Variants in NRXN3 observed in about 807,000 individuals in gnomAD.
The protein encoded by NRXN3 is neurexin 3, also known as neurexin III.
A neutral mutation model predicts 137.6 loss-of-function variants in NRXN3; 32 were observed. The ratio of observed to expected loss-of-function variants is 0.23; its 90% CI spans 0.18 to 0.31. The LOEUF (loss-of-function observed/expected upper bound fraction) is 0.31. NRXN3 is among the 10% of genes least tolerant of loss of function. The pLI is 1.00. For synonymous variants in NRXN3, 798 were observed against 784.5 expected (o/e 1.02, Z -0.29); for missense variants, 1,574 against 2,062.5 (o/e 0.76, Z 4.59).
chr14:78,820,171 G>A lies in NRXN3; in HGVS notation c.2275+9827G>A, dbSNP rs28687197. ...ATTCTTGTTTGGTAACAAGATAAAT[G>A]TATTAATGGATGTATTTCCCTTTCA... On this transcript the variant is annotated intron_variant, in intron 10 of 20. Coordinates refer to ENST00000335750, the MANE Select transcript of NRXN3 (RefSeq NM_001330195.2). Among the ~76,000 whole-genome samples the A allele has an allele frequency of 0.014, 2,122 of 151,188 alleles. 201 individuals carry two copies. The East Asian group carries it at 0.26, about 18-fold the overall frequency.
At chr14:79,389,611 G>A (rs1243649008) in intron 15 of NRXN3, among the ~76,000 whole-genome samples, 1 of 152,214 alleles carries the variant, frequency 6.6e-6, no homozygotes, top group African/African-American at 2.4e-5. Context: ...GATACTTTGT[G>A]AGAATCCCAT....
chr14:79,450,612 A>C (rs2096152152), intron 15 of NRXN3, among the ~76,000 whole-genome samples: 1 of 152,098 alleles, frequency 6.6e-6, no homozygotes, highest in Admixed American at 6.6e-5. Context: ...TAATCCCAGC[A>C]CTTTGGTAGG....
intron 15 of NRXN3, among the ~76,000 whole-genome samples, chr14:78,989,919 A>C (rs937774574): frequency 1.3e-5 from 2 of 152,150 alleles, no homozygotes; most frequent in Non-Finnish European, 2.9e-5. Flanking sequence ...TCTGTCTTTG[A>C]CAAGTTCCTG....
At chr14:79,743,892 A>G (rs920752898) in intron 19 of NRXN3, among the ~76,000 whole-genome samples, 1 of 152,240 alleles carries the variant, frequency 6.6e-6, no homozygotes, top group African/African-American at 2.4e-5. Context: ...TTCAATTTAT[A>G]TGTAAGCATA....
chr14:78,992,426 G>T (rs139163557), intron 15 of NRXN3, among the ~76,000 whole-genome samples: 1 of 152,112 alleles, frequency 6.6e-6, no homozygotes, highest in African/African-American at 2.4e-5. Context: ...ACCTTACAAA[G>T]GTTCTTGATA....
intron 15 of NRXN3, among the ~76,000 whole-genome samples, chr14:79,227,115 G>A (rs2071056562): frequency 6.6e-6 from 1 of 151,540 alleles, no homozygotes; most frequent in Non-Finnish European, 1.5e-5. Flanking sequence ...ACCGCGCCTG[G>A]CCTACATCCA....
chr14:79,447,828 G>GC (rs752176580), intron 15 of NRXN3, among the ~76,000 whole-genome samples: 5 of 152,144 alleles, frequency 3.3e-5, no homozygotes, highest in Non-Finnish European at 7.3e-5. Flanking sequence ...TTTTGAGATG[G>GC]CCCCCATGGG....
At chr14:79,064,549 T>C (rs2099678279) in intron 15 of NRXN3, among the ~76,000 whole-genome samples, 1 of 151,948 alleles carries the variant, frequency 6.6e-6, no homozygotes, top group African/African-American at 2.4e-5. Flanking sequence ...CTTTAGGGAC[T>C]GGACTCAGCA....
intron 9 of NRXN3, 75 bp from the exon 10 acceptor site, chr14:78,810,243 T>C: frequency 3.5e-6 from 3 of 861,102 alleles, no homozygotes; most frequent in East Asian, 2.5e-5. Context: ...AAGGGTGGAC[T>C]GATTGTTTTT....
chr14:78,937,564 A>G (rs2152895711), intron 10 of NRXN3, among the ~76,000 whole-genome samples: 1 of 152,338 alleles, frequency 6.6e-6, no homozygotes, highest in Admixed American at 6.5e-5. Flanking sequence ...AAAATCTAAC[A>G]GTAATAGAGT....
chr14:79,265,369 A>G (rs1418514682), intron 15 of NRXN3, among the ~76,000 whole-genome samples: 5 of 151,712 alleles, frequency 3.3e-5, no homozygotes. Flanking sequence ...CCAGTGCCAC[A>G]TATAGTAACC....
chr14:79,214,072 T>C (rs1403898866), intron 15 of NRXN3, among the ~76,000 whole-genome samples: 2 of 152,272 alleles, frequency 1.3e-5, no homozygotes, highest in Admixed American at 6.5e-5. Context: ...AATTTGTAAA[T>C]TGAGCTCTGT....
intron 18 of NRXN3, 51 bp from the exon 19 acceptor site, chr14:79,697,579 A>G: frequency 6.4e-7 from 1 of 1,571,212 alleles, no homozygotes; most frequent in South Asian, 1.2e-5. Flanking sequence ...AGGTAAGGCA[A>G]ACAAGGAAAA....
intron 19 of NRXN3, among the ~76,000 whole-genome samples, chr14:79,744,265 A>G (rs187737816): frequency 1.4e-4 from 21 of 152,346 alleles, no homozygotes; most frequent in African/African-American, 2.9e-4. Flanking sequence ...TCTGCCTCCA[A>G]CAAGGAACTA....
At chr14:79,217,422 C>T (rs2068728394) in intron 15 of NRXN3, among the ~76,000 whole-genome samples, 1 of 152,168 alleles carries the variant, frequency 6.6e-6, no homozygotes, top group Non-Finnish European at 1.5e-5. Context: ...AGGGATCCAT[C>T]CCCATGACCC....
chr14:79,143,193 A>G (rs2058978556), intron 15 of NRXN3, among the ~76,000 whole-genome samples: 1 of 152,182 alleles, frequency 6.6e-6, no homozygotes, highest in African/African-American at 2.4e-5. Context: ...CTGATTCCCA[A>G]CAGGGTAGAA....
At chr14:78,176,278 T>C (rs1005005906) in intron 1 of NRXN3, among the ~76,000 whole-genome samples, 2 of 152,168 alleles carry the variant, frequency 1.3e-5, no homozygotes, top group African/African-American at 4.8e-5. Context: ...CCTCTAATAT[T>C]AGTAATCACC....
At chr14:78,224,184 A>AC (rs1172267270) in intron 1 of NRXN3, among the ~76,000 whole-genome samples, 3 of 90,358 alleles carry the variant, frequency 3.3e-5, no homozygotes, top group Middle Eastern at 0.014. Context: ...CCTCAACAAG[A>AC]CTTTTTTTTT....
At chr14:78,350,285 A>G (rs1160608189) in intron 4 of NRXN3, among the ~76,000 whole-genome samples, 1 of 126,274 alleles carries the variant, frequency 7.9e-6, no homozygotes, top group Admixed American at 8.9e-5. Context: ...GCGGAACTTC[A>G]TCTCAAAAAA....
Sources: allele counts gnomAD v4.1 joint callset (sites outside exome capture counted in the v4.1 genomes callset), GRCh38; gene constraint gnomAD v4.1.1; transcripts MANE v1.5; gene names NCBI Gene and HGNC (gene_info 2026-07-23, HGNC 2026-07-21).